The following PTPRD variants were observed in gnomAD, a reference collection of about 807,000 sequenced individuals.
PTPRD encodes the protein protein tyrosine phosphatase receptor type D.
A neutral mutation model predicts 214.5 loss-of-function variants in PTPRD; 34 were observed. The observed-to-expected ratio is 0.16, with a 90% CI of 0.12 to 0.21. PTPRD has a LOEUF of 0.21. Among genes scored for constraint, PTPRD ranks in the 10% least tolerant of loss-of-function variants. The pLI, the probability that PTPRD is intolerant of heterozygous loss-of-function variation, is 1.00. For missense variants in PTPRD, 2,545 were observed against 2,398.7 expected (o/e 1.06, Z -1.27); for synonymous variants, 1,128 against 845.7 (o/e 1.33, Z -5.79).
intron 12 of PTPRD, among the ~76,000 whole-genome samples, chr9:8,668,655 C>T (rs567265952): frequency 7.2e-5 from 11 of 151,906 alleles, no homozygotes; most frequent in African/African-American, 2.4e-4. Context: ...AAATGCAGGC[C>T]GAAAACAATA....
At chr9:9,685,202 A>T (rs2154400013) in intron 7 of PTPRD, among the ~76,000 whole-genome samples, 1 of 151,238 alleles carries the variant, frequency 6.6e-6, no homozygotes, top group Admixed American at 6.6e-5. Flanking sequence ...TTTCTGGCTC[A>T]TGAGTACATA....
At chr9:10,287,732 T>G (rs2095406962) in intron 3 of PTPRD, among the ~76,000 whole-genome samples, 1 of 152,078 alleles carries the variant, frequency 6.6e-6, no homozygotes, top group Non-Finnish European at 1.5e-5. Context: ...GCACTCTCTC[T>G]CCCACCTTTG....
chr9:9,248,220 G>A (rs1164831887), intron 9 of PTPRD, among the ~76,000 whole-genome samples: 2 of 151,904 alleles, frequency 1.3e-5, no homozygotes, highest in African/African-American at 4.8e-5. Context: ...AGCCTCCCGA[G>A]CAGCTGGGAT....
chr9:8,335,304 C>T (rs545108938), intron 43 of PTPRD, among the ~76,000 whole-genome samples: 11 of 151,894 alleles, frequency 7.2e-5, no homozygotes, highest in Admixed American at 3.3e-4. Context: ...ACGATCAAGT[C>T]GGCTTCATCC....
chr9:10,298,703 C>G (rs1469376243), intron 3 of PTPRD, among the ~76,000 whole-genome samples: 2 of 151,960 alleles, frequency 1.3e-5, no homozygotes, highest in East Asian at 3.9e-4. Flanking sequence ...AATATATACA[C>G]AGGTATGTAT....
intron 9 of PTPRD, among the ~76,000 whole-genome samples, chr9:9,312,299 A>C (rs1252756876): frequency 5.3e-5 from 8 of 152,326 alleles, no homozygotes; most frequent in Non-Finnish European, 1.5e-5. Context: ...TAATTCCAAA[A>C]CCATGTAAAT....
At chr9:10,539,070 G>A (rs1246495946) in intron 2 of PTPRD, among the ~76,000 whole-genome samples, 1 of 152,160 alleles carries the variant, frequency 6.6e-6, no homozygotes, top group Non-Finnish European at 1.5e-5. Context: ...ATGCTCCTGA[G>A]AACTGAAAAT....
At chr9:10,050,478 TGAACCCAGGAGGTG>T (rs1463041527) in intron 3 of PTPRD, among the ~76,000 whole-genome samples, 1 of 142,098 alleles carries the variant, frequency 7.0e-6, no homozygotes, top group Non-Finnish European at 1.5e-5. Flanking sequence ...GAGAATTGCT[TGAACCCAGGAGGTG>T]GAGGTTGCAG....
At chr9:8,765,548 C>T (rs902411916) in intron 11 of PTPRD, among the ~76,000 whole-genome samples, 1 of 152,144 alleles carries the variant, frequency 6.6e-6, no homozygotes, top group African/African-American at 2.4e-5. Context: ...GTAGCAGAGC[C>T]TACAAGCCAA....
intron 44 of PTPRD, among the ~76,000 whole-genome samples, chr9:8,321,721 A>G (rs1376558746): frequency 1.3e-5 from 2 of 151,798 alleles, no homozygotes; most frequent in African/African-American, 2.4e-5. Context: ...AGTTTAAATT[A>G]GCATTTGGGC....
intron 3 of PTPRD, among the ~76,000 whole-genome samples, chr9:10,064,461 T>C (rs1194822340): frequency 6.6e-6 from 1 of 151,960 alleles, no homozygotes; most frequent in Non-Finnish European, 1.5e-5. Context: ...AAAATATATT[T>C]ATCTCTGATA....
At chr9:8,702,647 T>C (rs945506505) in intron 12 of PTPRD, among the ~76,000 whole-genome samples, 2 of 152,230 alleles carry the variant, frequency 1.3e-5, no homozygotes, top group African/African-American at 4.8e-5. Flanking sequence ...AGAGTCTTGC[T>C]ATGTCGCCCC....
chr9:8,761,309 A>G (rs1392080018), intron 11 of PTPRD, among the ~76,000 whole-genome samples: 2 of 152,200 alleles, frequency 1.3e-5, no homozygotes, highest in Non-Finnish European at 2.9e-5. Flanking sequence ...TAGCAGAAGA[A>G]AAAAGGTGGT....
At chr9:9,434,226 A>T (rs540287732) in intron 8 of PTPRD, among the ~76,000 whole-genome samples, 1 of 152,192 alleles carries the variant, frequency 6.6e-6, no homozygotes, top group East Asian at 1.9e-4. Flanking sequence ...GATCTCTCTG[A>T]GCTTCTTCAC....
chr9:9,096,108 T>C (rs1166202979), intron 10 of PTPRD, among the ~76,000 whole-genome samples: 1 of 152,152 alleles, frequency 6.6e-6, no homozygotes. Flanking sequence ...GGTCAAAGGA[T>C]ACAAAGTAGC....
chr9:10,091,214 A>G (rs2099504060), intron 3 of PTPRD, among the ~76,000 whole-genome samples: 1 of 151,576 alleles, frequency 6.6e-6, no homozygotes. Flanking sequence ...ATTATGGCAT[A>G]ATTTGAGATA....
intron 4 of PTPRD, among the ~76,000 whole-genome samples, chr9:9,983,703 ATACT>A (rs1171799701): frequency 1.3e-5 from 2 of 152,252 alleles, no homozygotes; most frequent in Non-Finnish European, 2.9e-5. Flanking sequence ...TAACTGCAAC[ATACT>A]TACGTGATTT....
chr9:9,647,634 T>G (rs1156976549), intron 7 of PTPRD, among the ~76,000 whole-genome samples: 1 of 152,218 alleles, frequency 6.6e-6, no homozygotes, highest in Non-Finnish European at 1.5e-5. Context: ...GGGAAGCCTG[T>G]TTTCCCTTTG....
chr9:8,568,395 T>C (rs1564408344), intron 14 of PTPRD, among the ~76,000 whole-genome samples: 1 of 152,140 alleles, frequency 6.6e-6, no homozygotes, highest in African/African-American at 2.4e-5. Context: ...TCAATAGCAA[T>C]GACTTAGCCA....
Sources: allele counts gnomAD v4.1 joint callset (sites outside exome capture counted in the v4.1 genomes callset), GRCh38; gene constraint gnomAD v4.1.1; transcripts MANE v1.5; gene names NCBI Gene and HGNC (gene_info 2026-07-23, HGNC 2026-07-21).